BCR: variants seen among roughly 807,000 people sequenced by gnomAD.
BCR encodes breakpoint cluster region protein.
Under a neutral mutation model 138.6 loss-of-function variants are expected in BCR, and 58 were observed. The ratio of observed to expected loss-of-function variants is 0.42; its 90% CI spans 0.34 to 0.52. BCR has a LOEUF of 0.52. Ranked by LOEUF, BCR falls within the 20% of genes least tolerant of loss-of-function variation. The pLI is 0.06. For missense variants in BCR, 1,599 were observed against 1,727.2 expected (o/e 0.93, Z 1.32); for synonymous variants, 786 against 730.1 (o/e 1.08, Z -1.23).
intron 1 of BCR, among the ~76,000 whole-genome samples, chr22:23,246,485 C>G (rs1285823097): frequency 6.6e-6 from 1 of 152,080 alleles, no homozygotes; most frequent in African/African-American, 2.4e-5. Flanking sequence ...CACTAGTTTT[C>G]AATTGTTTTG....
rs74509390 is a variant in BCR, at chr22:23,181,785, G to T, written c.825G>T (p.Glu275Asp). 1.9e-6 allele frequency: 3 copies of T among 1,608,170 alleles called. No homozygotes were observed. Among genetic ancestry groups the T allele is most frequent in the Middle Eastern group, 1.6e-4 (1 of 6,062 alleles). ...GCAGGCCCCCTTGGCCGCCCCTGGA[G>T]TACCAGCCCTACCAGAGCATCTACG... Reference protein sequence around the residue: ...GGSRPPWPPLEYQPYQSIYVG... With the variant: ...GGSRPPWPPLDYQPYQSIYVG... Residue 275 changes from glutamate to aspartate, a missense_variant, in exon 1 of 23, where the codon GAG becomes GAT. Physicochemically the swap from Glu to Asp is conservative, Grantham distance 45. Coordinates refer to ENST00000305877, the MANE Select transcript of BCR (RefSeq NM_004327.4).
At chr22:23,183,081 C>A (rs1319043286) in intron 1 of BCR, among the ~76,000 whole-genome samples, 5 of 152,188 alleles carry the variant, frequency 3.3e-5, no homozygotes, top group Non-Finnish European at 7.3e-5. Context: ...ATTTGGGGCT[C>A]CCAATCTGTG....
intron 1 of BCR, among the ~76,000 whole-genome samples, chr22:23,210,247 C>T (rs1174497080): frequency 3.3e-5 from 5 of 151,902 alleles, no homozygotes; most frequent in Non-Finnish European, 7.4e-5. Flanking sequence ...GAGACCCCAT[C>T]TCTACAAAAA....
intron 1 of BCR, among the ~76,000 whole-genome samples, chr22:23,204,523 C>A (rs1014296387): frequency 1.1e-4 from 17 of 151,904 alleles, no homozygotes; most frequent in South Asian, 2.1e-4. Context: ...TTTGGAAATC[C>A]CTCTTGGTGG....
At chr22:23,232,950 C>T (rs969033534) in intron 1 of BCR, among the ~76,000 whole-genome samples, 1 of 152,184 alleles carries the variant, frequency 6.6e-6, no homozygotes, top group African/African-American at 2.4e-5. Context: ...CACACATAGG[C>T]TGAGACATTT....
At chr22:23,263,327 G>T (rs552481842) in intron 4 of BCR, 7 of 1,190,162 alleles carry the variant, frequency 5.9e-6, no homozygotes, top group Non-Finnish European at 2.4e-6. Context: ...ACTGCGACCT[G>T]CTCCGGCGCC....
intron 16 of BCR, among the ~76,000 whole-genome samples, chr22:23,298,196 G>C (rs188401760): frequency 1.5e-3 from 222 of 152,306 alleles, no homozygotes; most frequent in African/African-American, 5.1e-3. Context: ...GTAACATCAG[G>C]GGGAAGAGGG....
At chr22:23,185,746 T>A (rs2072333993) in intron 1 of BCR, among the ~76,000 whole-genome samples, 3 of 149,408 alleles carry the variant, frequency 2.0e-5, no homozygotes, top group African/African-American at 7.4e-5. Flanking sequence ...GTTGTTTTTT[T>A]GAGGCGGAGC....
At chr22:23,292,351 A>G (rs530497311) in intron 14 of BCR, among the ~76,000 whole-genome samples, 190 bp from the exon 15 acceptor site, 8 of 152,358 alleles carry the variant, frequency 5.3e-5, no homozygotes, top group Admixed American at 5.2e-4. Context: ...CAGAGCGGGC[A>G]GGGGCATCGC....
intron 17 of BCR, 190 bp from the exon 18 acceptor site, chr22:23,310,134 A>G (rs1209030210): frequency 5.7e-6 from 3 of 522,210 alleles, no homozygotes; most frequent in African/African-American, 1.9e-5. Flanking sequence ...AGTCGTTTAC[A>G]TCATCTTCAA....
chr22:23,182,499 C>G (rs1005860026), intron 1 of BCR, among the ~76,000 whole-genome samples: 1 of 152,172 alleles, frequency 6.6e-6, no homozygotes, highest in Admixed American at 6.5e-5. Context: ...TCCTTTGGTT[C>G]TAGAGCAATG....
At chr22:23,249,459 G>T (rs189845448) in intron 1 of BCR, among the ~76,000 whole-genome samples, 32 of 151,914 alleles carry the variant, frequency 2.1e-4, no homozygotes, top group African/African-American at 7.7e-4. Context: ...AATTAGCTGG[G>T]CATAGTGGCA....
chr22:23,233,798 A>G (rs1194036183), intron 1 of BCR, among the ~76,000 whole-genome samples: 1 of 94,818 alleles, frequency 1.1e-5, no homozygotes, highest in East Asian at 4.1e-4. Flanking sequence ...TCAAAAAAAA[A>G]AAAAAGAAAA....
rs747399949 is a variant in BCR, at chr22:23,284,029, G to A, written c.2168G>A (p.Arg723His). The change falls in exon 9 of 23, where the codon CGC becomes CAC. Residue 723 changes from arginine to histidine, a missense_variant. Around this residue, in one of 4 missense-constraint regions of BCR, gnomAD observed 590 missense variants for 762.4 expected, o/e 0.77. Coordinates refer to ENST00000305877, the MANE Select transcript of BCR (RefSeq NM_004327.4). ...ATGGTGGAGCTGGTGGAGGGGGCCC[G>A]CAAGCTGCGCCACGTCTTCCTGTTC... The part of the protein sequence containing the change: ...SFMVELVEGA[R>H]KLRHVFLFTD... 10 of 1,604,908 alleles carry A rather than the reference G, an allele frequency of 6.2e-6. No homozygotes were observed. Among genetic ancestry groups the A allele is most frequent in the Admixed American group, 1.7e-5 (1 of 58,978 alleles).
In BCR at chr22:23,300,065, T is replaced by G. The variant is rs1201386983; in HGVS notation, c.3012+4910T>G. ...GTCCCAGGTGTTTTTAAGTGTGCAG[T>G]TCAGTGGCATCAGGCACATTCACAT... On this transcript the variant is annotated intron_variant, in intron 16 of 22. Coordinates refer to ENST00000305877, the MANE Select transcript of BCR (RefSeq NM_004327.4). Among the ~76,000 whole-genome samples the G allele has an allele frequency of 2.0e-5, 3 of 152,208 alleles. No homozygotes were observed. In the East Asian group the frequency reaches 5.8e-4, roughly 29 times the overall value.
At chr22:23,203,876 GCT>G (rs1017886021) in intron 1 of BCR, among the ~76,000 whole-genome samples, 2 of 152,220 alleles carry the variant, frequency 1.3e-5, no homozygotes, top group African/African-American at 4.8e-5. Flanking sequence ...TTTCATTGAA[GCT>G]CCAAGGAAGC....
intron 1 of BCR, among the ~76,000 whole-genome samples, chr22:23,188,077 G>A (rs2072369474): frequency 6.6e-6 from 1 of 152,206 alleles, no homozygotes; most frequent in African/African-American, 2.4e-5. Flanking sequence ...TGGGCCTGGA[G>A]TTGGCTCCAT....
At chr22:23,221,681 C>G (rs1444442723) in intron 1 of BCR, among the ~76,000 whole-genome samples, 1 of 152,202 alleles carries the variant, frequency 6.6e-6, no homozygotes, top group Non-Finnish European at 1.5e-5. Context: ...CAAGACAGAT[C>G]CTCAATCAAT....
intron 4 of BCR, chr22:23,263,849 T>G: frequency 9.6e-7 from 1 of 1,038,276 alleles, no homozygotes; most frequent in Admixed American, 1.7e-5. Flanking sequence ...CCATCCAGAC[T>G]GAAGACCAAA....
Sources: gnomAD v4.1 joint callset for allele counts (sites outside exome capture counted in the v4.1 genomes callset) on GRCh38, gnomAD v4.1.1 for gene constraint, gnomAD v4.1.1 regional missense constraint, MANE v1.5 for transcripts, NCBI Gene and HGNC (gene_info 2026-07-23, HGNC 2026-07-21) for gene names.